The following FHIT variants were observed in gnomAD, a reference collection of about 807,000 sequenced individuals.
FHIT encodes the protein fragile histidine triad diadenosine triphosphatase.
In FHIT, 19 loss-of-function variants were observed where a neutral mutation model predicts 17.9. That is an observed-to-expected ratio of 1.06 (90% CI 0.74 to 1.56). The LOEUF (loss-of-function observed/expected upper bound fraction) is 1.56, where lower values mean the gene tolerates loss of function less well. Ranked by LOEUF, FHIT falls within the 40% of genes most tolerant of loss-of-function variation. The probability of loss-of-function intolerance (pLI) is 0.00; values close to 1 mark genes in which losing one functional copy is unlikely to be tolerated. For missense variants in FHIT, 248 were observed against 189.2 expected (o/e 1.31, Z -1.82); for synonymous variants, 81 against 69.7 (o/e 1.16, Z -0.81).
chr3:60,992,342 A>G (rs2030307411), intron 3 of FHIT, among the ~76,000 whole-genome samples: 1 of 152,226 alleles, frequency 6.6e-6, no homozygotes, highest in Non-Finnish European at 1.5e-5. Flanking sequence ...ATATCATCAA[A>G]CCATATACTT....
intron 7 of FHIT, among the ~76,000 whole-genome samples, chr3:59,976,310 T>A (rs1027352265): frequency 6.6e-6 from 1 of 151,970 alleles, no homozygotes; most frequent in Non-Finnish European, 1.5e-5. Flanking sequence ...TATAAGCAAA[T>A]CCAAAAATAC....
intron 4 of FHIT, among the ~76,000 whole-genome samples, chr3:60,723,569 G>A (rs1200098960): frequency 3.9e-5 from 6 of 152,282 alleles, no homozygotes; most frequent in African/African-American, 9.6e-5. Context: ...ACTTGTTGTC[G>A]CAGCTTGTTG....
chr3:61,066,354 C>T (rs1156991321), intron 2 of FHIT, among the ~76,000 whole-genome samples: 1 of 152,172 alleles, frequency 6.6e-6, no homozygotes, highest in African/African-American at 2.4e-5. Context: ...TGGCTCACAC[C>T]TATAACCTCA....
At chr3:59,890,673 C>G (rs1703817057) in intron 8 of FHIT, among the ~76,000 whole-genome samples, 1 of 152,094 alleles carries the variant, frequency 6.6e-6, no homozygotes, top group Non-Finnish European at 1.5e-5. Context: ...ATCTTTGAAA[C>G]ACTATTACCA....
chr3:59,850,883 C>A (rs368220731), intron 8 of FHIT, among the ~76,000 whole-genome samples: 28 of 152,308 alleles, frequency 1.8e-4, no homozygotes, highest in African/African-American at 6.5e-4. Flanking sequence ...AACCTAAAAG[C>A]CTGATTGTAT....
chr3:60,265,707 T>C (rs894771028), intron 5 of FHIT, among the ~76,000 whole-genome samples: 7 of 152,004 alleles, frequency 4.6e-5, no homozygotes, highest in Non-Finnish European at 8.8e-5. Flanking sequence ...CTAGAATATA[T>C]AAAGAACTTT....
intron 5 of FHIT, among the ~76,000 whole-genome samples, chr3:60,372,432 A>C (rs894692583): frequency 6.6e-6 from 1 of 152,206 alleles, no homozygotes; most frequent in Non-Finnish European, 1.5e-5. Flanking sequence ...GTTTAAAAAC[A>C]GAGTTAATGT....
chr3:60,443,616 A>T (rs1036399752), intron 5 of FHIT, among the ~76,000 whole-genome samples: 2 of 152,152 alleles, frequency 1.3e-5, no homozygotes, highest in African/African-American at 4.8e-5. Flanking sequence ...CATCCCAGGG[A>T]TGAAGCCCAC....
chr3:60,233,759 C>T (rs980417222), intron 5 of FHIT, among the ~76,000 whole-genome samples: 3 of 152,058 alleles, frequency 2.0e-5, no homozygotes, highest in Non-Finnish European at 4.4e-5. Flanking sequence ...GGGGGCAGGT[C>T]TTTCCCATGC....
intron 5 of FHIT, among the ~76,000 whole-genome samples, chr3:60,366,979 A>G (rs1278616620): frequency 2.0e-5 from 3 of 152,218 alleles, no homozygotes; most frequent in Non-Finnish European, 4.4e-5. Flanking sequence ...GATAGATTCA[A>G]CTTGAGATTC....
In FHIT at chr3:60,611,698, G is replaced by C. The variant is rs374506465; in HGVS notation, c.-17-74719C>G. The stretch of plus-strand genomic sequence containing the variant: ...CTAGACCAGGTCCAAAAATCTACCT[G>C]AGTATCACTACCTCTGTCACTGAAC... On this transcript the variant is annotated intron_variant, in intron 4 of 9. Transcript: ENST00000492590. Among the ~76,000 whole-genome samples, 8 of 152,270 alleles carry C rather than the reference G, an allele frequency of 5.3e-5. No individual in the cohort carries two copies. In the East Asian group the frequency reaches 7.7e-4, roughly 15 times the overall value.
intron 5 of FHIT, among the ~76,000 whole-genome samples, chr3:60,369,139 A>AT (rs1700225094): frequency 6.7e-6 from 1 of 149,574 alleles, no homozygotes; most frequent in Admixed American, 6.6e-5. Flanking sequence ...CGCCTTGCTA[A>AT]TTTTTTTATT....
chr3:59,879,020 AAAG>A (rs200783631), intron 8 of FHIT, among the ~76,000 whole-genome samples: 3,402 of 152,194 alleles, frequency 0.022, 46 homozygotes, highest in South Asian at 0.062. Flanking sequence ...AGGAAAAAAA[AAAG>A]AAGAAGAAGA....
chr3:60,712,421 T>A (rs1270923528), intron 4 of FHIT, among the ~76,000 whole-genome samples: 1 of 151,824 alleles, frequency 6.6e-6, no homozygotes, highest in East Asian at 2.0e-4. Flanking sequence ...AATTCACACA[T>A]AACAATATTA....
intron 2 of FHIT, among the ~76,000 whole-genome samples, chr3:61,113,902 G>A (rs371268267): frequency 3.3e-5 from 5 of 152,152 alleles, no homozygotes; most frequent in South Asian, 2.1e-4. Flanking sequence ...TGCAGCACAC[G>A]GTCTCTGTCT....
chr3:60,535,228 G>A (rs1049513164), intron 5 of FHIT, among the ~76,000 whole-genome samples: 6 of 151,978 alleles, frequency 3.9e-5, no homozygotes, highest in African/African-American at 1.2e-4. Flanking sequence ...TGCCTCAAAA[G>A]GAACAACAAC....
At position 59,774,577 on chromosome 3, in the gene FHIT, G is replaced by A. The variant is rs9878319; in HGVS notation, c.349-22256C>T. On this transcript the variant is annotated intron_variant, in intron 8 of 9. Transcript: ENST00000492590. ...TTAAATAGTGCCTCATCCATAGTAG[G>A]TTCTCAATAAATGTTAGCCACCATT... Among the ~76,000 whole-genome samples, 401 of 152,242 alleles carry A rather than the reference G, an allele frequency of 2.6e-3. 2 individuals are homozygous for A. Among genetic ancestry groups the A allele is most frequent in the African/African-American group, 9.1e-3 (378 of 41,516 alleles).
At chr3:60,861,725 G>T (rs782198935) in intron 3 of FHIT, among the ~76,000 whole-genome samples, 2 of 151,926 alleles carry the variant, frequency 1.3e-5, no homozygotes, top group South Asian at 4.2e-4. Context: ...TAAAATTTAA[G>T]AAAAGGTAAG....
At chr3:60,171,188 A>G (rs1422130808) in intron 5 of FHIT, among the ~76,000 whole-genome samples, 4 of 151,558 alleles carry the variant, frequency 2.6e-5, no homozygotes, top group Admixed American at 1.3e-4. Context: ...GAGGGATGCT[A>G]TTTTTTTTTA....
Sources: gnomAD v4.1 joint callset for allele counts (sites outside exome capture counted in the v4.1 genomes callset) on GRCh38, gnomAD v4.1.1 for gene constraint, MANE v1.5 for transcripts, NCBI Gene and HGNC (gene_info 2026-07-23, HGNC 2026-07-21) for gene names.